Variants in PRELID2 observed in about 807,000 individuals in gnomAD.
PRELID2 encodes PRELI domain-containing protein 2.
PRELID2 carries 25 observed loss-of-function variants against 28.4 expected under a neutral mutation model. The ratio of observed to expected loss-of-function variants is 0.88; its 90% CI spans 0.64 to 1.23. The LOEUF is 1.23. PRELID2 is among the 50% of genes most tolerant of loss of function. The pLI, the probability that PRELID2 is intolerant of heterozygous loss-of-function variation, is 0.00. For missense variants in PRELID2, 201 were observed against 214.4 expected (o/e 0.94, Z 0.39); for synonymous variants, 76 against 71.6 (o/e 1.06, Z -0.31).
the PRELID2 span, among the ~76,000 whole-genome samples, chr5:145,431,855 T>G: frequency 6.6e-6 from 1 of 152,120 alleles, no homozygotes; most frequent in African/African-American, 2.4e-5. Context: ...AGAGAAACAA[T>G]AGCAGATACA....
At chr5:145,635,155 A>T (rs557611847) in intron 1 of PRELID2, among the ~76,000 whole-genome samples, 1 of 152,152 alleles carries the variant, frequency 6.6e-6, no homozygotes, top group Non-Finnish European at 1.5e-5. Context: ...TGGTGCTTCT[A>T]CCTTCTGTTT....
At chr5:145,738,526 AAGAC>A (rs1756560624) in intron 1 of PRELID2, among the ~76,000 whole-genome samples, 2 of 152,214 alleles carry the variant, frequency 1.3e-5, no homozygotes, top group African/African-American at 2.4e-5. Flanking sequence ...GAACTGAAAA[AAGAC>A]AGCCAAAATT....
intron 1 of PRELID2, among the ~76,000 whole-genome samples, chr5:145,611,402 G>A (rs1458502980): frequency 6.6e-6 from 1 of 152,106 alleles, no homozygotes; most frequent in Non-Finnish European, 1.5e-5. Flanking sequence ...GACCTCCAGT[G>A]ATCCAACTGC....
At chr5:145,643,126 T>C (rs973942349) in intron 1 of PRELID2, among the ~76,000 whole-genome samples, 3 of 152,230 alleles carry the variant, frequency 2.0e-5, no homozygotes, top group East Asian at 3.8e-4. Flanking sequence ...ATTTTCATAA[T>C]GTTGATTCTT....
At chr5:145,829,828 G>A (rs1416636844) in intron 1 of PRELID2, among the ~76,000 whole-genome samples, 1 of 152,166 alleles carries the variant, frequency 6.6e-6, no homozygotes, top group East Asian at 1.9e-4. Flanking sequence ...AGAAAAGATA[G>A]GATCAGAAAT....
the PRELID2 span, among the ~76,000 whole-genome samples, chr5:145,320,071 G>A: frequency 6.6e-6 from 1 of 152,162 alleles, no homozygotes; most frequent in Non-Finnish European, 1.5e-5. Context: ...TCTTTTATGT[G>A]CAGTCTCAGT....
rs186152755 is a variant in PRELID2, at chr5:145,525,357, C to T, written n.71-52042G>A. On this transcript the variant is annotated intron_variant and non_coding_transcript_variant, in intron 1 of 2. Transcript: ENST00000510259. ...GGAGAATCTGATATATGTATACACA[C>T]ACACCCTTGTTCTCCAAGAATGGGA... Among the ~76,000 whole-genome samples, 4 of 152,312 alleles carry T rather than the reference C, an allele frequency of 2.6e-5. No homozygotes were observed. The East Asian group carries it at 5.8e-4, about 22-fold the overall frequency.
At chr5:145,348,642 AT>A in the PRELID2 span, among the ~76,000 whole-genome samples, 7,582 of 145,428 alleles carry the variant, frequency 0.052, 317 homozygotes, top group African/African-American at 0.13. Context: ...AATTGCAGCC[AT>A]TTTTTTTTTT....
At chr5:145,332,162 T>C in the PRELID2 span, among the ~76,000 whole-genome samples, 7 of 152,348 alleles carry the variant, frequency 4.6e-5, 1 homozygote, top group South Asian at 4.1e-4. Context: ...CTTCCCTTTG[T>C]GGGTGACCTT....
chr5:145,738,498 G>A (rs2149733626), intron 1 of PRELID2, among the ~76,000 whole-genome samples: 1 of 152,054 alleles, frequency 6.6e-6, no homozygotes, highest in African/African-American at 2.4e-5. Flanking sequence ...AAGATATAAA[G>A]AGCCAAATGG....
chr5:145,621,397 G>C (rs938053212), intron 1 of PRELID2, among the ~76,000 whole-genome samples: 1 of 152,126 alleles, frequency 6.6e-6, no homozygotes, highest in Admixed American at 6.5e-5. Context: ...AATTCTAGCT[G>C]TATACAAAGA....
intron 4 of PRELID2, among the ~76,000 whole-genome samples, chr5:145,816,927 G>A (rs1754342885): frequency 6.6e-6 from 1 of 152,000 alleles, no homozygotes; most frequent in African/African-American, 2.4e-5. Flanking sequence ...TTGGGAGGCT[G>A]ATGTAGGAGA....
At chr5:145,454,713 G>A in the PRELID2 span, among the ~76,000 whole-genome samples, 1 of 152,130 alleles carries the variant, frequency 6.6e-6, no homozygotes, top group Non-Finnish European at 1.5e-5. Flanking sequence ...CCTAGGATTT[G>A]CATTCCTCTA....
chr5:145,773,247 G>C (rs1046902766), intron 5 of PRELID2, among the ~76,000 whole-genome samples: 7 of 152,064 alleles, frequency 4.6e-5, no homozygotes, highest in Non-Finnish European at 1.0e-4. Flanking sequence ...CTGATTTAAA[G>C]AGATTTCCTG....
the PRELID2 span, among the ~76,000 whole-genome samples, chr5:145,240,174 T>C: frequency 6.6e-6 from 1 of 152,012 alleles, no homozygotes; most frequent in Non-Finnish European, 1.5e-5. Context: ...TGGGTACATC[T>C]CACTGGCACT....
intron 3 of PRELID2, 91 bp from the exon 4 acceptor site, chr5:145,818,145 C>A: frequency 7.6e-7 from 1 of 1,315,292 alleles, no homozygotes; most frequent in South Asian, 1.4e-5. Flanking sequence ...CTTGGATAAC[C>A]AAGAGGACAA....
At chr5:145,420,018 T>A in the PRELID2 span, among the ~76,000 whole-genome samples, 1 of 152,056 alleles carries the variant, frequency 6.6e-6, no homozygotes, top group Non-Finnish European at 1.5e-5. Flanking sequence ...TTTTCTCAAG[T>A]TTGTCAAAGA....
chr5:145,277,745 G>A, the PRELID2 span, among the ~76,000 whole-genome samples: 1 of 152,136 alleles, frequency 6.6e-6, no homozygotes, highest in Non-Finnish European at 1.5e-5. Flanking sequence ...CCCAGGGGCA[G>A]TCAGCATCCA....
intron 1 of PRELID2, among the ~76,000 whole-genome samples, chr5:145,708,441 C>T (rs1011007237): frequency 3.9e-5 from 6 of 152,124 alleles, no homozygotes; most frequent in African/African-American, 1.4e-4. Flanking sequence ...AAGGTCCCTT[C>T]CAGCTCTAAT....
Sources: gnomAD v4.1 joint callset for allele counts (sites outside exome capture counted in the v4.1 genomes callset) on GRCh38, gnomAD v4.1.1 for gene constraint, MANE v1.5 for transcripts, NCBI Gene and HGNC (gene_info 2026-07-23, HGNC 2026-07-21) for gene names.